Variants in MAMDC2 observed in about 807,000 individuals in gnomAD.
MAMDC2 encodes MAM domain containing 2.
MAMDC2 carries 57 observed loss-of-function variants against 89.8 expected under a neutral mutation model. That is an observed-to-expected ratio of 0.63 (90% confidence interval 0.51 to 0.79). The LOEUF is 0.79. MAMDC2 is among the 30% of genes least tolerant of loss of function. MAMDC2 has a pLI of 0.00. For synonymous variants in MAMDC2, 313 were observed against 293.4 expected (o/e 1.07, Z -0.68); for missense variants, 800 against 820.6 (o/e 0.97, Z 0.31).
chr9:70,218,502 A>G lies in MAMDC2; in HGVS notation c.1817A>G (p.Asp606Gly), dbSNP rs539462924. Residue 606 changes from aspartate to glycine, a missense_variant, in exon 12 of 14, where the codon GAC (aspartate) becomes GGC (glycine). By Grantham distance (94) the Asp-to-Gly change is moderately conservative. Coordinates refer to ENST00000377182, the MANE Select transcript of MAMDC2 (RefSeq NM_153267.5). ...LLSVYLKKEE[D>G]SEESLLWRRR... ...AGTGTTTATCTGAAAAAGGAAGAAG[A>G]CAGTGAAGAGTCCCTCTTATGGAGG... 6.2e-7 allele frequency: 1 copy of G among 1,614,228 alleles called. No homozygotes were observed. Among genetic ancestry groups the G allele is most frequent in the African/African-American group, 1.3e-5 (1 of 75,058 alleles).
intron 11 of MAMDC2, among the ~76,000 whole-genome samples, chr9:70,197,299 A>T (rs1234127859): frequency 6.6e-6 from 1 of 152,174 alleles, no homozygotes; most frequent in Non-Finnish European, 1.5e-5. Flanking sequence ...CTTATGGAGT[A>T]AAGTTGTGAA....
chr9:70,127,704 C>A (rs1013401943), intron 6 of MAMDC2, among the ~76,000 whole-genome samples: 3 of 151,510 alleles, frequency 2.0e-5, no homozygotes, highest in African/African-American at 7.3e-5. Context: ...AAAAAAAACA[C>A]TCTAGAGAGA....
intron 8 of MAMDC2, 22 bp downstream of exon 8, chr9:70,140,310 G>A (rs749916218): frequency 6.4e-7 from 1 of 1,564,568 alleles, no homozygotes; most frequent in South Asian, 1.2e-5. Context: ...ATCTGTCTAT[G>A]TGGGGACATC....
intron 8 of MAMDC2, among the ~76,000 whole-genome samples, chr9:70,141,255 T>C (rs921282559): frequency 1.3e-5 from 2 of 152,138 alleles, no homozygotes; most frequent in Non-Finnish European, 2.9e-5. Flanking sequence ...TGGAAAATCA[T>C]CTCTAGAGAA....
Position 70,210,803 on chromosome 9 carries a change from G to C in MAMDC2, c.1652-7534G>C, listed in dbSNP as rs1383135429. On this transcript the variant is annotated intron_variant, in intron 11 of 13. Coordinates refer to ENST00000377182, the MANE Select transcript of MAMDC2 (RefSeq NM_153267.5). ...CTTTTCATGTTTAGTGCTTCCTTCG[G>C]GAGCTCTGTAAGACAGGCCTGGTAG... 2.0e-4 allele frequency among the ~76,000 whole-genome samples: 8 copies of C among 39,412 alleles called. No individual in the cohort carries two copies. In the East Asian group the frequency reaches 0.019, roughly 92 times the overall value. The allele number at this position is 39,412 out of a possible 152,430, so 25.9% of individuals were successfully genotyped here. A position where few individuals can be genotyped will look rare whatever the true frequency, so the allele number is the denominator to read the frequency against.
intron 5 of MAMDC2, among the ~76,000 whole-genome samples, chr9:70,114,114 C>T (rs1210529097): frequency 6.6e-6 from 1 of 151,196 alleles, no homozygotes; most frequent in Non-Finnish European, 1.5e-5. Context: ...AGTGCTCATC[C>T]TTCAGCTTAT....
rs1030888026 is a variant in MAMDC2, at chr9:70,225,900, C to T, written c.1996+66C>T. 34 of 1,464,792 alleles carry T rather than the reference C, an allele frequency of 2.3e-5. No individual in the cohort carries two copies. In the African/African-American group the frequency reaches 4.8e-4, roughly 21 times the overall value. The allele number at this position is 1,464,792 out of a possible 1,614,324, so 90.7% of individuals were successfully genotyped here. A position where few individuals can be genotyped will look rare whatever the true frequency, so the allele number is the denominator to read the frequency against. On this transcript the variant is annotated intron_variant, in intron 13 of 13. Coordinates refer to ENST00000377182, the MANE Select transcript of MAMDC2 (RefSeq NM_153267.5). ...GACTTTGCGATACTGTCTCAAACTA[C>T]AAGAATACAAATTAAATATTTTTCT... is the stretch of plus-strand genomic sequence containing the variant.
intron 5 of MAMDC2, among the ~76,000 whole-genome samples, chr9:70,117,231 TA>T (rs1255959073): frequency 6.6e-6 from 1 of 152,066 alleles, no homozygotes; most frequent in Admixed American, 6.6e-5. Flanking sequence ...CCTGGTGACA[TA>T]AAAAAAGTCA....
At chr9:70,166,276 T>TACAC (rs567995952) in intron 9 of MAMDC2, among the ~76,000 whole-genome samples, 5,168 of 138,888 alleles carry the variant, frequency 0.037, 121 homozygotes, top group South Asian at 0.051. Flanking sequence ...TATATATATA[T>TACAC]ACACACACAC....
chr9:70,153,258 T>A (rs1266606317), intron 9 of MAMDC2: 4 of 152,176 alleles, frequency 2.6e-5, no homozygotes, highest in Non-Finnish European at 4.4e-5. Context: ...TAATCAACAG[T>A]TACATTGAGA....
chr9:70,170,703 AT>A, intron 11 of MAMDC2, 72 bp downstream of exon 11: 11 of 1,422,110 alleles, frequency 7.7e-6, no homozygotes, highest in Non-Finnish European at 9.4e-6. Flanking sequence ...CGTTTACTGC[AT>A]TTTGAAATGT....
chr9:70,059,075 C>T (rs981762483), intron 2 of MAMDC2, among the ~76,000 whole-genome samples: 1 of 152,078 alleles, frequency 6.6e-6, no homozygotes, highest in African/African-American at 2.4e-5. Context: ...GTGAAGTATC[C>T]TTATACAAAG....
At chr9:70,094,224 C>T (rs1264293273) in intron 2 of MAMDC2, among the ~76,000 whole-genome samples, 2 of 152,182 alleles carry the variant, frequency 1.3e-5, no homozygotes, top group South Asian at 2.1e-4. Context: ...CAGGGAGAAC[C>T]AAAATGGCAT....
At chr9:70,136,104 T>C (rs1457295398) in intron 7 of MAMDC2, among the ~76,000 whole-genome samples, 2 of 152,142 alleles carry the variant, frequency 1.3e-5, no homozygotes, top group African/African-American at 2.4e-5. Flanking sequence ...TGAGCCAAGA[T>C]TGCACCAGTG....
chr9:70,216,218 G>A (rs1371132559), intron 11 of MAMDC2: 1 of 152,196 alleles, frequency 6.6e-6, no homozygotes, highest in Admixed American at 6.5e-5. Flanking sequence ...ATTGGCAAAT[G>A]TTGGTGTTTG....
chr9:70,166,276 T>C (rs369171853), intron 9 of MAMDC2, among the ~76,000 whole-genome samples: 10,074 of 138,796 alleles, frequency 0.073, 465 homozygotes, highest in East Asian at 0.2. Context: ...TATATATATA[T>C]ACACACACAC....
intron 2 of MAMDC2, among the ~76,000 whole-genome samples, chr9:70,100,354 C>A (rs1479004769): frequency 6.6e-6 from 1 of 152,202 alleles, no homozygotes; most frequent in African/African-American, 2.4e-5. Flanking sequence ...GTGATAGCCA[C>A]ATTCAACCAC....
chr9:70,165,275 A>G (rs2032137496), intron 9 of MAMDC2, among the ~76,000 whole-genome samples: 1 of 152,158 alleles, frequency 6.6e-6, no homozygotes, highest in Non-Finnish European at 1.5e-5. Context: ...CCAGTCACCA[A>G]CTACCCTAAA....
intron 5 of MAMDC2, among the ~76,000 whole-genome samples, chr9:70,123,325 A>C (rs1246182668): frequency 6.6e-6 from 1 of 152,256 alleles, no homozygotes; most frequent in South Asian, 2.1e-4. Flanking sequence ...TGTTCTCGTC[A>C]AGGCTTGCTG....
Sources: gnomAD v4.1 joint callset for allele counts (sites outside exome capture counted in the v4.1 genomes callset) on GRCh38, gnomAD v4.1.1 for gene constraint, MANE v1.5 for transcripts, NCBI Gene and HGNC (gene_info 2026-07-23, HGNC 2026-07-21) for gene names.